Variants in ZNF804A observed in about 807,000 individuals in gnomAD.
ZNF804A encodes the protein zinc finger protein 804A.
Under a neutral mutation model 16.5 loss-of-function variants are expected in ZNF804A, and 2 were observed. That is an observed-to-expected ratio of 0.12 (90% CI 0.05 to 0.38). The LOEUF (loss-of-function observed/expected upper bound fraction) is 0.38. Ranked by LOEUF, ZNF804A falls within the 10% of genes least tolerant of loss-of-function variation. The probability of loss-of-function intolerance (pLI) is 0.99; values close to 1 mark genes in which losing one functional copy is unlikely to be tolerated. For synonymous variants in ZNF804A, 534 were observed against 489.6 expected (o/e 1.09, Z -1.20); for missense variants, 1,473 against 1,390.7 (o/e 1.06, Z -0.94).
intron 2 of ZNF804A, among the ~76,000 whole-genome samples, chr2:184,893,341 G>A (rs2105823448): frequency 6.6e-6 from 1 of 152,024 alleles, no homozygotes; most frequent in South Asian, 2.1e-4. Context: ...TTCAGTTGTT[G>A]TTTTAATGCT....
At chr2:184,935,396 C>T (rs1346273590) in intron 3 of ZNF804A, among the ~76,000 whole-genome samples, 2 of 152,064 alleles carry the variant, frequency 1.3e-5, no homozygotes, top group Non-Finnish European at 2.9e-5. Flanking sequence ...ATCATATTTA[C>T]CATATAGCAT....
chr2:184,705,986 A>AT (rs1364600131), intron 1 of ZNF804A, among the ~76,000 whole-genome samples: 14 of 152,276 alleles, frequency 9.2e-5, no homozygotes, highest in Admixed American at 4.6e-4. Context: ...TTGATTATTA[A>AT]AACCCTTTGC....
chr2:184,645,609 T>C (rs1175170742), intron 1 of ZNF804A, among the ~76,000 whole-genome samples: 1 of 152,172 alleles, frequency 6.6e-6, no homozygotes, highest in Admixed American at 6.6e-5. Context: ...TGGAATATAA[T>C]AGGTAGAGAA....
At chr2:184,838,064 G>A (rs538584864) in intron 1 of ZNF804A, among the ~76,000 whole-genome samples, 38 of 152,220 alleles carry the variant, frequency 2.5e-4, no homozygotes, top group Non-Finnish European at 4.9e-4. Flanking sequence ...AGGAGTGCAC[G>A]TGGGAGCCTC....
intron 1 of ZNF804A, among the ~76,000 whole-genome samples, chr2:184,767,675 A>G (rs966433273): frequency 6.6e-6 from 1 of 152,164 alleles, no homozygotes; most frequent in East Asian, 1.9e-4. Context: ...ATAAGTCTTT[A>G]AAATATTATT....
At chr2:184,744,717 G>A (rs1693761591) in intron 1 of ZNF804A, among the ~76,000 whole-genome samples, 1 of 151,832 alleles carries the variant, frequency 6.6e-6, no homozygotes, top group Admixed American at 6.6e-5. Flanking sequence ...CCTCTGAAAA[G>A]TATTAACAAC....
chr2:184,888,379 G>A lies in ZNF804A; in HGVS notation c.255+21867G>A, dbSNP rs773428627. Among the ~76,000 whole-genome samples the A allele has an allele frequency of 3.9e-5, 6 of 152,250 alleles. No individual in the cohort carries two copies. In the East Asian group the frequency reaches 7.7e-4, roughly 20 times the overall value. ...TTTGAAAATCAAATGTGTAAGAGAT[G>A]TAATATATGTGTGGCTATTGAAAAG... is the stretch of plus-strand genomic sequence containing the variant. On this transcript the variant is annotated intron_variant, in intron 2 of 3. Transcript: ENST00000302277.
intron 1 of ZNF804A, among the ~76,000 whole-genome samples, chr2:184,661,735 T>A (rs192240213): frequency 1.3e-5 from 2 of 152,278 alleles, no homozygotes; most frequent in East Asian, 3.9e-4. Flanking sequence ...AATTCAACTG[T>A]CTTTGGCATG....
intron 1 of ZNF804A, among the ~76,000 whole-genome samples, chr2:184,738,837 G>C (rs1168978650): frequency 6.6e-6 from 1 of 152,154 alleles, no homozygotes; most frequent in Non-Finnish European, 1.5e-5. Context: ...AGGAAGTTGA[G>C]CTTATTCTAA....
chr2:184,645,924 A>G (rs1691863053), intron 1 of ZNF804A, among the ~76,000 whole-genome samples: 1 of 152,196 alleles, frequency 6.6e-6, no homozygotes, highest in Admixed American at 6.5e-5. Flanking sequence ...CTCCCTCTGG[A>G]GTCACCTTTC....
chr2:184,770,021 A>G (rs1694187773), intron 1 of ZNF804A, among the ~76,000 whole-genome samples: 1 of 152,124 alleles, frequency 6.6e-6, no homozygotes, highest in South Asian at 2.1e-4. Flanking sequence ...AAAGATTGTC[A>G]TATTTTAACT....
At position 184,910,753 on chromosome 2, in the gene ZNF804A, G is replaced by C. The variant is rs574634880; in HGVS notation, c.256-22850G>C. 2.6e-5 allele frequency among the ~76,000 whole-genome samples: 4 copies of C among 151,980 alleles called. No individual in the cohort carries two copies. The East Asian group carries it at 5.8e-4, about 22-fold the overall frequency. ...AATGTTGGGCATTTTTCATGTGTTT[G>C]TTGGCCACTTGTATATCTTCTTTTG... is the stretch of plus-strand genomic sequence containing the variant. On this transcript the variant is annotated intron_variant, in intron 2 of 3. Transcript: ENST00000302277.
intron 2 of ZNF804A, among the ~76,000 whole-genome samples, chr2:184,871,884 A>G (rs1388615197): frequency 6.6e-6 from 1 of 152,072 alleles, no homozygotes; most frequent in Non-Finnish European, 1.5e-5. Flanking sequence ...AAGGAAAGCA[A>G]GAGCTAAAAT....
In ZNF804A at chr2:184,598,957, C is replaced by T. The variant is rs773987063; in HGVS notation, c.-3C>T. On this transcript the variant is annotated 5_prime_UTR_variant, in exon 1 of 4. Transcript: ENST00000302277. ...CTGCGGCGGAGGAGGCGGCGGCTGC[C>T]CCATGGAGTGTTACTACATTGTCAT... The T allele has an allele frequency of 1.0e-5, 16 of 1,593,882 alleles. 1 individual carries two copies. The Admixed American group carries it at 2.0e-4, about 20-fold the overall frequency.
chr2:184,883,153 C>T (rs1263419908), intron 2 of ZNF804A, among the ~76,000 whole-genome samples: 1 of 151,958 alleles, frequency 6.6e-6, no homozygotes, highest in East Asian at 1.9e-4. Flanking sequence ...CTACTATAAA[C>T]ATCTGTGTCC....
chr2:184,604,323 A>C (rs924650279), intron 1 of ZNF804A, among the ~76,000 whole-genome samples: 4 of 151,400 alleles, frequency 2.6e-5, no homozygotes, highest in Admixed American at 2.6e-4. Flanking sequence ...GGTGCCCGCC[A>C]TCGCGCCCGG....
At chr2:184,798,001 GAT>G (rs1184237547) in intron 1 of ZNF804A, among the ~76,000 whole-genome samples, 52 of 126,506 alleles carry the variant, frequency 4.1e-4, no homozygotes, top group South Asian at 1.3e-3. Flanking sequence ...ATTCATGGCT[GAT>G]ATATGTGTGT....
chr2:184,868,165 A>G (rs557414455), intron 2 of ZNF804A, among the ~76,000 whole-genome samples: 11 of 152,206 alleles, frequency 7.2e-5, no homozygotes, highest in African/African-American at 1.9e-4. Flanking sequence ...TCAAATCCTA[A>G]AAACAGCTAC....
chr2:184,757,715 ATT>A (rs1288581953), intron 1 of ZNF804A, among the ~76,000 whole-genome samples: 1 of 151,962 alleles, frequency 6.6e-6, no homozygotes, highest in Non-Finnish European at 1.5e-5. Flanking sequence ...TTTAATTTGT[ATT>A]TTTTAAAATG....
Sources: allele counts gnomAD v4.1 joint callset (sites outside exome capture counted in the v4.1 genomes callset), GRCh38; gene constraint gnomAD v4.1.1; transcripts MANE v1.5; gene names NCBI Gene and HGNC (gene_info 2026-07-23, HGNC 2026-07-21).